The following VCL variants were observed in gnomAD, a reference collection of about 807,000 sequenced individuals.
VCL encodes epididymis luminal protein 114.
Under a neutral mutation model 125.7 loss-of-function variants are expected in VCL, and 47 were observed. That is an observed-to-expected ratio of 0.37 (90% CI 0.30 to 0.48). VCL has a LOEUF of 0.48. VCL is among the 20% of genes least tolerant of loss of function. The pLI is 0.99. For synonymous variants in VCL, 458 were observed against 514.6 expected (o/e 0.89, Z 1.49); for missense variants, 1,069 against 1,455.5 (o/e 0.73, Z 4.32).
At chr10:74,070,640 C>A in intron 2 of VCL, 30 bp from the exon 3 acceptor site, 1 of 1,613,604 alleles carries the variant, frequency 6.2e-7, no homozygotes, top group Admixed American at 1.7e-5. Flanking sequence ...GTGGTTCTGC[C>A]GGTGTGTTAA....
intron 2 of VCL, among the ~76,000 whole-genome samples, chr10:74,062,458 A>T (rs932007706): frequency 2.1e-5 from 3 of 146,014 alleles, no homozygotes; most frequent in Non-Finnish European, 4.5e-5. Context: ...CTTCTGCCTC[A>T]GCCTCCCAGA....
At chr10:74,079,023 A>G (rs1017610348) in intron 6 of VCL, among the ~76,000 whole-genome samples, 2 of 152,136 alleles carry the variant, frequency 1.3e-5, no homozygotes, top group Non-Finnish European at 2.9e-5. Flanking sequence ...TTGATTGTCC[A>G]TAGAAGGAGG....
intron 1 of VCL, among the ~76,000 whole-genome samples, chr10:74,039,667 T>C (rs1054753249): frequency 6.6e-6 from 1 of 150,534 alleles, no homozygotes; most frequent in African/African-American, 2.4e-5. Context: ...ATGCCTGGAG[T>C]CCTAGCTGCT....
chr10:74,082,367 A>G, intron 6 of VCL, 87 bp from the exon 7 acceptor site: 3 of 1,425,882 alleles, frequency 2.1e-6, no homozygotes, highest in Non-Finnish European at 3.0e-6. Context: ...TATGTATGTT[A>G]ATGCTGTAAC....
At chr10:74,059,294 T>A (rs1466751143) in intron 2 of VCL, among the ~76,000 whole-genome samples, 1 of 151,708 alleles carries the variant, frequency 6.6e-6, no homozygotes, top group Non-Finnish European at 1.5e-5. Flanking sequence ...AGGCAGAGTT[T>A]GCAGTGGGCT....
At chr10:74,030,819 G>A (rs1389854179) in intron 1 of VCL, among the ~76,000 whole-genome samples, 1 of 152,166 alleles carries the variant, frequency 6.6e-6, no homozygotes, top group Non-Finnish European at 1.5e-5. Context: ...TTATTGGAAC[G>A]CTAAGCTTGT....
intron 2 of VCL, among the ~76,000 whole-genome samples, chr10:74,063,423 A>AT (rs1841511108): frequency 6.6e-6 from 1 of 152,138 alleles, no homozygotes. Flanking sequence ...GAAACTCTAG[A>AT]AAAGACTCTG....
intron 8 of VCL, among the ~76,000 whole-genome samples, chr10:74,086,109 C>T (rs1195582190): frequency 3.3e-5 from 5 of 152,156 alleles, no homozygotes; most frequent in African/African-American, 7.2e-5. Context: ...TCAGGTGATC[C>T]GCCTGCTGCG....
rs10824069 is a variant in VCL at position 74,094,038 on chromosome 10, C to T, written c.1353-233C>T. Reference sequence around the variant, plus strand: ...GAGCTCCGCTAACCAAATGATTGATCTGAGCTTTACTGATGCAAACTCATA... The same window carrying T: ...GAGCTCCGCTAACCAAATGATTGATTTGAGCTTTACTGATGCAAACTCATA... On this transcript the variant is annotated intron_variant, in intron 10 of 21. Transcript: ENST00000211998. Among the ~76,000 whole-genome samples the T allele has an allele frequency of 0.72, 108,975 of 152,096 alleles. 39,710 individuals carry two copies. The highest frequency in any genetic ancestry group is 0.84 in the Middle Eastern group (247 of 294).
At chr10:74,030,070 A>G (rs1840846625) in intron 1 of VCL, among the ~76,000 whole-genome samples, 1 of 152,224 alleles carries the variant, frequency 6.6e-6, no homozygotes, top group African/African-American at 2.4e-5. Flanking sequence ...TGCCTAATGC[A>G]CTGTGCTAAT....
At chr10:74,112,557 T>C (rs1840243182) in intron 19 of VCL, among the ~76,000 whole-genome samples, 1 of 152,120 alleles carries the variant, frequency 6.6e-6, no homozygotes, top group Non-Finnish European at 1.5e-5. Context: ...GGCAGCTTTA[T>C]AGGGCAGGGT....
At position 74,083,496 on chromosome 10, in the gene VCL, G is replaced by C; in HGVS notation, c.1005G>C (p.Val335=). 1 of 1,614,066 alleles carries C rather than the reference G, an allele frequency of 6.2e-7. No homozygotes were observed. Among genetic ancestry groups the C allele is most frequent in the African/African-American group, 1.3e-5 (1 of 75,048 alleles). The change falls in exon 8 of 22, where the codon GTG becomes GTC. Residue 335 remains valine, a synonymous_variant. Transcript: ENST00000211998. ...TGCTAGGGCAGATGACTGATCAAGT[G>C]GCTGACCTCCGTGCCAGGTAAAAGT... ...CKMLGQMTDQ[V]ADLRARGQGS... is the part of the protein sequence containing the mutation.
chr10:74,063,758 C>T (rs952857239), intron 2 of VCL: 1 of 152,120 alleles, frequency 6.6e-6, no homozygotes, highest in Non-Finnish European at 1.5e-5. Flanking sequence ...GCCTGAAATA[C>T]AAGAGGGAAT....
intron 1 of VCL, among the ~76,000 whole-genome samples, chr10:74,038,493 C>T (rs1226276129): frequency 1.3e-5 from 2 of 152,124 alleles, no homozygotes; most frequent in Admixed American, 6.6e-5. Context: ...AAAACAGTGC[C>T]GTTCGTTGTC....
chr10:74,104,965 T>C (rs1840109195), intron 15 of VCL, 86 bp from the exon 16 acceptor site: 2 of 1,439,678 alleles, frequency 1.4e-6, no homozygotes, highest in Admixed American at 3.8e-5. Context: ...TTATACTTTC[T>C]CATGAGAAGT....
At chr10:74,033,894 T>G (rs1840927900) in intron 1 of VCL, among the ~76,000 whole-genome samples, 1 of 152,158 alleles carries the variant, frequency 6.6e-6, no homozygotes, top group Non-Finnish European at 1.5e-5. Context: ...ACCCTCCACA[T>G]GGAGTGTCAT....
chr10:74,001,158 T>A (rs986340539), intron 1 of VCL, among the ~76,000 whole-genome samples: 1 of 152,100 alleles, frequency 6.6e-6, no homozygotes, highest in Admixed American at 6.6e-5. Context: ...AAAGACTGCG[T>A]GAGAATGGCG....
intron 2 of VCL, among the ~76,000 whole-genome samples, chr10:74,057,627 G>A (rs1841410715): frequency 6.6e-6 from 1 of 152,090 alleles, no homozygotes; most frequent in African/African-American, 2.4e-5. Flanking sequence ...AGGAAAAAAA[G>A]AAGTTTTAAA....
chr10:74,002,157 C>CTCT (rs1840237630), intron 1 of VCL, among the ~76,000 whole-genome samples: 1 of 152,120 alleles, frequency 6.6e-6, no homozygotes, highest in South Asian at 2.1e-4. Flanking sequence ...TGGAGTTACG[C>CTCT]TCTTATTGCC....
Sources: allele counts gnomAD v4.1 joint callset (sites outside exome capture counted in the v4.1 genomes callset), GRCh38; gene constraint gnomAD v4.1.1; transcripts MANE v1.5; gene names NCBI Gene and HGNC (gene_info 2026-07-23, HGNC 2026-07-21).